Variants in AGPAT4 observed in about 807,000 individuals in gnomAD.
AGPAT4 encodes 1-acyl-sn-glycerol-3-phosphate acyltransferase delta.
AGPAT4 carries 15 observed loss-of-function variants against 48.0 expected under a neutral mutation model. The ratio of observed to expected loss-of-function variants is 0.31; its 90% CI spans 0.21 to 0.48. The LOEUF (loss-of-function observed/expected upper bound fraction) is 0.48. Ranked by LOEUF, AGPAT4 falls within the 20% of genes least tolerant of loss-of-function variation. The pLI is 0.99. For synonymous variants in AGPAT4, 178 were observed against 198.7 expected (o/e 0.90, Z 0.88); for missense variants, 314 against 482.5 (o/e 0.65, Z 3.27).
Position 161,132,180 on chromosome 6 carries a change from A to G in AGPAT4, c.*4360T>C, listed in dbSNP as rs933013530. The G allele has an allele frequency of 6.6e-6, 1 of 152,216 alleles. No homozygotes were observed. The highest frequency in any genetic ancestry group is 2.4e-5 in the African/African-American group (1 of 41,454). 9.4% of individuals were successfully genotyped at this position (152,216 alleles called of 1,614,324 possible). ...GCATGCACATTCAGGATGTGACTTC[A>G]GCTTCATTCATCCTGGCCAAACAAA... On this transcript the variant is annotated 3_prime_UTR_variant, in exon 9 of 9. Transcript: ENST00000320285.
intron 2 of AGPAT4, among the ~76,000 whole-genome samples, chr6:161,179,664 C>T (rs1397142024): frequency 6.6e-6 from 1 of 152,124 alleles, no homozygotes; most frequent in African/African-American, 2.4e-5. Context: ...CAAGACCAAC[C>T]CCTCTTCCTG....
intron 1 of AGPAT4, among the ~76,000 whole-genome samples, chr6:161,263,756 C>T (rs181781225): frequency 2.6e-5 from 4 of 152,298 alleles, no homozygotes; most frequent in African/African-American, 9.6e-5. Context: ...TCTTAAGTAA[C>T]TTCCAGATTT....
chr6:161,211,441 A>C (rs1781519462), intron 2 of AGPAT4, among the ~76,000 whole-genome samples: 1 of 152,188 alleles, frequency 6.6e-6, no homozygotes, highest in East Asian at 1.9e-4. Context: ...AGAAAGTTAT[A>C]AAAATACAGA....
Position 161,161,524 on chromosome 6 carries a change from C to G in AGPAT4, c.348+4724G>C. ...TGAATTCACATGGTGGCGGGCAGCA[C>G]TGGGTATCTGCCATAGGCTCAGGTG... is the stretch of plus-strand genomic sequence containing the variant. On this transcript the variant is annotated intron_variant, in intron 3 of 8. Coordinates refer to ENST00000320285, the MANE Select transcript of AGPAT4 (RefSeq NM_020133.3). This position sits in a 1 kb window ranked among gnomAD's most constrained non-coding sequence, Gnocchi z 4.6. 2.2e-6 allele frequency: 1 copy of G among 456,452 alleles called. No homozygotes were observed. The highest frequency in any genetic ancestry group is 1.5e-5 in the South Asian group (1 of 64,542). 28.3% of individuals were successfully genotyped at this position (456,452 alleles called of 1,614,324 possible).
chr6:161,257,918 C>T (rs969005109), intron 1 of AGPAT4, among the ~76,000 whole-genome samples: 11 of 152,158 alleles, frequency 7.2e-5, no homozygotes, highest in Non-Finnish European at 1.0e-4. Flanking sequence ...TACAGGATCA[C>T]CCTTGCTCTG....
rs1247603859 is a variant in AGPAT4 at position 161,219,946 on chromosome 6, G to GCAGGCAGACAGA, written c.178+12089_178+12090insTCTGTCTGCCTG. Among the ~76,000 whole-genome samples, 556 of 143,760 alleles carry GCAGGCAGACAGA rather than the reference G, an allele frequency of 3.9e-3. 6 individuals carry two copies. The highest frequency in any genetic ancestry group is 6.9e-3 in the Admixed American group (101 of 14,548). 94.3% of individuals were successfully genotyped at this position (143,760 alleles called of 152,430 possible). A position where few individuals can be genotyped will look rare whatever the true frequency, so the allele number is the denominator to read the frequency against. On this transcript the variant is annotated intron_variant, in intron 2 of 8. Coordinates refer to ENST00000320285, the MANE Select transcript of AGPAT4 (RefSeq NM_020133.3). This position sits in a 1 kb window ranked among gnomAD's most constrained non-coding sequence, Gnocchi z 4.9. Reference sequence around the variant, plus strand: ...GGCAGGCAGGCAGGCAGGCAGGCAGGCAGACAGACAGACAGACAGACAGGC... The same window carrying GCAGGCAGACAGA: ...GGCAGGCAGGCAGGCAGGCAGGCAGGCAGGCAGACAGACAGACAGACAGACAGACAGACAGGC...
At chr6:161,224,479 TA>T (rs1279341673) in intron 2 of AGPAT4, among the ~76,000 whole-genome samples, 1 of 151,436 alleles carries the variant, frequency 6.6e-6, no homozygotes, top group Non-Finnish European at 1.5e-5. Context: ...CCCCATCTAC[TA>T]AAAATATAAA....
At chr6:161,237,393 A>G (rs1340326121) in intron 1 of AGPAT4, among the ~76,000 whole-genome samples, 1 of 152,164 alleles carries the variant, frequency 6.6e-6, no homozygotes, top group African/African-American at 2.4e-5. Context: ...TAACATTAGC[A>G]AGGTTTCTTA....
At position 161,201,417 on chromosome 6, in the gene AGPAT4, C is replaced by A. The variant is rs1296093962; in HGVS notation, c.178+30619G>T. On this transcript the variant is annotated intron_variant, in intron 2 of 8. Coordinates refer to ENST00000320285, the MANE Select transcript of AGPAT4 (RefSeq NM_020133.3). This position sits in a 1 kb window ranked among gnomAD's most constrained non-coding sequence, Gnocchi z 6.0. ...AGAGCACTTGAGGTTAAAAATAGAA[C>A]CTAGAAGTAAGAAAGTCATTTGTAA... 6.6e-6 allele frequency among the ~76,000 whole-genome samples: 1 copy of A among 152,056 alleles called. No individual in the cohort carries two copies. Among genetic ancestry groups the A allele is most frequent in the African/African-American group, 2.4e-5 (1 of 41,398 alleles).
rs1781660630 is a variant in AGPAT4 at position 161,216,851 on chromosome 6, A to C, written c.178+15185T>G. Among the ~76,000 whole-genome samples the C allele has an allele frequency of 6.6e-6, 1 of 152,138 alleles. No individual in the cohort carries two copies. Among genetic ancestry groups the C allele is most frequent in the Non-Finnish European group, 1.5e-5 (1 of 68,028 alleles). On this transcript the variant is annotated intron_variant, in intron 2 of 8. Coordinates refer to ENST00000320285, the MANE Select transcript of AGPAT4 (RefSeq NM_020133.3). This position sits in a 1 kb window ranked among gnomAD's most constrained non-coding sequence, Gnocchi z 4.8. ...CCTCATGATTCAACTACCTCCTCTT[A>C]GGTCCCTCCCACAATACGTGGGAAT...
Position 161,165,898 on chromosome 6 carries a change from C to A in AGPAT4, c.348+350G>T. 2 of 599,416 alleles carry A rather than the reference C, an allele frequency of 3.3e-6. No homozygotes were observed. Among genetic ancestry groups the A allele is most frequent in the Non-Finnish European group, 5.9e-6 (2 of 337,586 alleles). The allele number at this position is 599,416 out of a possible 1,614,324, so 37.1% of individuals were successfully genotyped here. A position where few individuals can be genotyped will look rare whatever the true frequency, so the allele number is the denominator to read the frequency against. ...ATATGGATGGGAGTGAAATCCAAAT[C>A]TAATTACAGCTGTGTGACTCTGAGC... is the stretch of plus-strand genomic sequence containing the variant. On this transcript the variant is annotated intron_variant, in intron 3 of 8. Transcript: ENST00000320285. This position sits in a 1 kb window ranked among gnomAD's most constrained non-coding sequence, Gnocchi z 5.5.
intron 2 of AGPAT4, among the ~76,000 whole-genome samples, chr6:161,228,661 TAAAAAA>T (rs375011382): frequency 1.1e-4 from 9 of 84,090 alleles, no homozygotes; most frequent in African/African-American, 3.9e-4. Flanking sequence ...GTCAGAGAGG[TAAAAAA>T]AAAAAAAAAA....
rs1308365518 is a variant in AGPAT4, at chr6:161,232,882, G to A, written c.-89-580C>T. Among the ~76,000 whole-genome samples the A allele has an allele frequency of 1.3e-5, 2 of 152,144 alleles. No individual in the cohort carries two copies. Among genetic ancestry groups the A allele is most frequent in the Non-Finnish European group, 2.9e-5 (2 of 68,038 alleles). ...CCACCCCTCAAGCAACCGGGACTAG[G>A]GAAGCATTTACTTGAAAACCACCAC... On this transcript the variant is annotated intron_variant, in intron 1 of 8. Transcript: ENST00000320285. This position sits in a 1 kb window ranked among gnomAD's most constrained non-coding sequence, Gnocchi z 6.8.
Position 161,249,373 on chromosome 6 carries a change from C to G in AGPAT4, c.-89-17071G>C, listed in dbSNP as rs1316520811. On this transcript the variant is annotated intron_variant, in intron 1 of 8. Coordinates refer to ENST00000320285, the MANE Select transcript of AGPAT4 (RefSeq NM_020133.3). The surrounding 1 kb of genome is among the most constrained non-coding windows in gnomAD (Gnocchi z 6.2). ...CAAAGGAAACTATCAACTAAGTGAA[C>G]AGACAACCTACAGAATGGGATGATA... 6.6e-6 allele frequency among the ~76,000 whole-genome samples: 1 copy of G among 152,112 alleles called. No homozygotes were observed. The highest frequency in any genetic ancestry group is 6.5e-5 in the Admixed American group (1 of 15,276).
rs1441249057 is a variant in AGPAT4 at position 161,140,515 on chromosome 6, G to A, written c.844-895C>T. Among the ~76,000 whole-genome samples, 2 of 152,232 alleles carry A rather than the reference G, an allele frequency of 1.3e-5. No individual in the cohort carries two copies. The highest frequency in any genetic ancestry group is 2.9e-5 in the Non-Finnish European group (2 of 68,036). The stretch of plus-strand genomic sequence containing the variant: ...CCACATAAATGCACTGCGAAAGAAC[G>A]CGGTGGCTCTTCCCTGGGTGTCTCA... On this transcript the variant is annotated intron_variant, in intron 7 of 8. Coordinates refer to ENST00000320285, the MANE Select transcript of AGPAT4 (RefSeq NM_020133.3). This position sits in a 1 kb window ranked among gnomAD's most constrained non-coding sequence, Gnocchi z 6.5.
At chr6:161,205,411 G>C (rs1319359460) in intron 2 of AGPAT4, among the ~76,000 whole-genome samples, 1 of 152,084 alleles carries the variant, frequency 6.6e-6, no homozygotes, top group Non-Finnish European at 1.5e-5. Flanking sequence ...GATGCTGAAC[G>C]ATAACTCAGG....
rs928672752 is a variant in AGPAT4 at position 161,144,019 on chromosome 6, A to T, written c.843+2505T>A. 17 of 424,810 alleles carry T rather than the reference A, an allele frequency of 4.0e-5. No homozygotes were observed. Among genetic ancestry groups the T allele is most frequent in the African/African-American group, 3.1e-4 (15 of 48,896 alleles). The allele number at this position is 424,810 out of a possible 1,614,324, so 26.3% of individuals were successfully genotyped here. Reference sequence around the variant, plus strand: ...ACTGCAAGGTTGATCATTAAAATGAAATCCCACTTTGACAAACTGGGTCGG... The same window carrying T: ...ACTGCAAGGTTGATCATTAAAATGATATCCCACTTTGACAAACTGGGTCGG... On this transcript the variant is annotated intron_variant, in intron 7 of 8. Coordinates refer to ENST00000320285, the MANE Select transcript of AGPAT4 (RefSeq NM_020133.3). The surrounding 1 kb of genome is among the most constrained non-coding windows in gnomAD (Gnocchi z 6.6).
chr6:161,242,454 C>G lies in AGPAT4; in HGVS notation c.-89-10152G>C, dbSNP rs1007067198. On this transcript the variant is annotated intron_variant, in intron 1 of 8. Transcript: ENST00000320285. This position sits in a 1 kb window ranked among gnomAD's most constrained non-coding sequence, Gnocchi z 5.0. Reference sequence around the variant, plus strand: ...CAGTCCTGGGGAGCCTCAGTGGCACCTTTTCTCCAAGTAGAAGGCCACATC... The same window carrying G: ...CAGTCCTGGGGAGCCTCAGTGGCACGTTTTCTCCAAGTAGAAGGCCACATC... Among the ~76,000 whole-genome samples the G allele has an allele frequency of 1.3e-5, 2 of 152,132 alleles. No homozygotes were observed. The highest frequency in any genetic ancestry group is 4.8e-5 in the African/African-American group (2 of 41,428).
chr6:161,260,884 G>A (rs1381395917), intron 1 of AGPAT4, among the ~76,000 whole-genome samples: 1 of 151,972 alleles, frequency 6.6e-6, no homozygotes, highest in Non-Finnish European at 1.5e-5. Flanking sequence ...GTGAGAGCCT[G>A]TCTCAAAAAA....
Sources: allele counts gnomAD v4.1 joint callset (sites outside exome capture counted in the v4.1 genomes callset), GRCh38; gene constraint gnomAD v4.1.1; non-coding constraint Gnocchi (gnomAD v3.1); transcripts MANE v1.5; gene names NCBI Gene and HGNC (gene_info 2026-07-23, HGNC 2026-07-21).